COL6A3: variants seen among roughly 807,000 people sequenced by gnomAD.
COL6A3 encodes the protein collagen alpha-3(VI) chain.
COL6A3 carries 137 observed loss-of-function variants against 274.1 expected under a neutral mutation model. The observed-to-expected ratio is 0.50, with a 90% CI of 0.44 to 0.58. COL6A3 has a LOEUF of 0.58. Ranked by LOEUF, COL6A3 falls within the 20% of genes least tolerant of loss-of-function variation. COL6A3 has a pLI of 0.00. For missense variants in COL6A3, 3,950 were observed against 4,124.9 expected (o/e 0.96, Z 1.16); for synonymous variants, 1,650 against 1,650.6 (o/e 1.00, Z 0.01).
rs189411873 is a variant in COL6A3 at position 237,368,553 on chromosome 2, C to T, written c.4900+10G>A. ...TCACACTCTGTAGTCATGGGTCACACGGTGCATACCTGGCCGTGAAGGAGG... is the reference window on the plus strand; with the variant it reads ...TCACACTCTGTAGTCATGGGTCACATGGTGCATACCTGGCCGTGAAGGAGG... On this transcript the variant is annotated intron_variant, in intron 10 of 43. Transcript: ENST00000295550. This position sits in a 1 kb window ranked among gnomAD's most constrained non-coding sequence, Gnocchi z 4.4. 51 of 1,613,806 alleles carry T rather than the reference C, an allele frequency of 3.2e-5. No individual in the cohort carries two copies. In the Middle Eastern group the frequency reaches 8.3e-4, roughly 26 times the overall value.
At position 237,374,251 on chromosome 2, in the gene COL6A3, G is replaced by A. The variant is rs2077770897; in HGVS notation, c.3679+161C>T. On this transcript the variant is annotated intron_variant, in intron 8 of 43. Transcript: ENST00000295550. This position sits in a 1 kb window ranked among gnomAD's most constrained non-coding sequence, Gnocchi z 4.8. ...TGAACCTCTGCCATTTCTGCCCATC[G>A]AGGCCAAAAAGGGCATGTGGGTTCC... Among the ~76,000 whole-genome samples, 1 of 152,068 alleles carries A rather than the reference G, an allele frequency of 6.6e-6. No homozygotes were observed. The highest frequency in any genetic ancestry group is 2.1e-4 in the South Asian group (1 of 4,830).
rs1553559241 is a variant in COL6A3, at chr2:237,371,907, G to A, written c.4110C>T (p.Ala1370=). 6.2e-7 allele frequency: 1 copy of A among 1,613,900 alleles called. No homozygotes were observed. ...CCAGCTCCTCCTGGTCTGCGTTCCTGGCGATCGTGAAAGGGGCCACGCCAA... is the reference window on the plus strand; with the variant it reads ...CCAGCTCCTCCTGGTCTGCGTTCCTAGCGATCGTGAAAGGGGCCACGCCAA... ...KQFGVAPFTI[A]RNADQEELVK... is the part of the protein sequence containing the mutation. The change falls in exon 9 of 44, where the codon GCC becomes GCT. Residue 1370 remains alanine, a synonymous_variant. Transcript: ENST00000295550. The surrounding 1 kb of genome is among the most constrained non-coding windows in gnomAD (Gnocchi z 4.3).
Position 237,374,762 on chromosome 2 carries a change from G to T in COL6A3, c.3329C>A (p.Ala1110Asp). The T allele has an allele frequency of 6.2e-7, 1 of 1,613,888 alleles. No homozygotes were observed. Among genetic ancestry groups the T allele is most frequent in the Non-Finnish European group, 8.5e-7 (1 of 1,179,920 alleles). Residue 1110 changes from alanine to aspartate, a missense_variant, in exon 8 of 44, where the codon GCC (alanine) becomes GAC (aspartate). Ala to Asp is a moderately radical substitution (Grantham distance 126, BLOSUM62 -2). Around this residue, in one of 5 missense-constraint regions of COL6A3, gnomAD observed 1,934 missense variants for 1,984.3 expected, o/e 0.97. Transcript: ENST00000295550. This position sits in a 1 kb window ranked among gnomAD's most constrained non-coding sequence, Gnocchi z 4.8. The stretch of plus-strand genomic sequence containing the variant: ...GTTCCTCAGGACAAACTCCAGGGCG[G>T]CCCCGGTGTTGGGGGTCGGCCCTCC... ...LLGGPTPNTGAALEFVLRNIL... is the reference protein window; with the variant it reads ...LLGGPTPNTGDALEFVLRNIL...
At position 237,387,877 on chromosome 2, in the gene COL6A3, GC is replaced by G. The variant is rs2078188969; in HGVS notation, c.1016del (p.Gly339AlafsTer15). 2 of 1,614,074 alleles carry G rather than the reference GC, an allele frequency of 1.2e-6. No individual in the cohort carries two copies. Among genetic ancestry groups the G allele is most frequent in the East Asian group, 4.5e-5 (2 of 44,870 alleles). On this transcript the variant is annotated frameshift_variant, in exon 4 of 44. Coordinates refer to ENST00000295550, the MANE Select transcript of COL6A3 (RefSeq NM_004369.4). LOFTEE classifies it high-confidence loss of function. Reference protein sequence around the residue: ...VVENHFTRAGGSRVEEGVPQV... With the variant: ...VVENHFTRAGXSRVEEGVPQV... ...GGGGAACCCCTTCCTCCACGCGGCTGCCCCCTGCCCGGGTGAAGTGGTTCTC... is the reference window on the plus strand; with the variant it reads ...GGGGAACCCCTTCCTCCACGCGGCTGCCCCTGCCCGGGTGAAGTGGTTCTC...
At chr2:237,360,200 T>A in intron 16 of COL6A3, 41 bp from the exon 17 acceptor site, 1 of 1,590,416 alleles carries the variant, frequency 6.3e-7, no homozygotes, top group South Asian at 1.1e-5. Flanking sequence ...CTGGAGCCCT[T>A]CATCACCCTT....
intron 36 of COL6A3, 102 bp from the exon 37 acceptor site, chr2:237,342,263 T>A: frequency 1.1e-6 from 1 of 905,054 alleles, no homozygotes; most frequent in South Asian, 1.4e-5. Flanking sequence ...TAAAATAGAT[T>A]AACTTCCCAA....
intron 1 of COL6A3, among the ~76,000 whole-genome samples, chr2:237,399,098 G>A (rs1292775086): frequency 6.6e-6 from 1 of 152,178 alleles, no homozygotes; most frequent in East Asian, 1.9e-4. Flanking sequence ...CTGCCACACT[G>A]AGGGTTCATA....
At chr2:237,338,877 G>T (rs1700681568) in intron 39 of COL6A3, 138 bp downstream of exon 39, 2 of 680,078 alleles carry the variant, frequency 2.9e-6, no homozygotes, top group African/African-American at 1.8e-5. Flanking sequence ...TATTTGAGAA[G>T]CATGACCCAC....
In COL6A3 at chr2:237,336,440, G is replaced by T. The variant is rs765812583; in HGVS notation, c.8660C>A (p.Thr2887Lys). 5.6e-6 allele frequency: 9 copies of T among 1,614,114 alleles called. No individual in the cohort carries two copies. Among genetic ancestry groups the T allele is most frequent in the Non-Finnish European group, 6.8e-6 (8 of 1,180,046 alleles). The change falls in exon 40 of 44, where the codon ACA (threonine) becomes AAA (lysine). Residue 2887 changes from threonine to lysine, a missense_variant. Around this residue, in one of 5 missense-constraint regions of COL6A3, gnomAD observed 1,284 missense variants for 1,349.7 expected, o/e 0.95. Transcript: ENST00000295550. ...VTTTKPVTTT[T>K]KPVTTTTKPV... ...CTTTGTTGTGGTGGTTACAGGCTTT[G>T]TTGTGGTGGTCACCGGCTTCGTCGT...
At position 237,381,341 on chromosome 2, in the gene COL6A3, C is replaced by G. The variant is rs112010940; in HGVS notation, c.1471G>C (p.Asp491His). The change falls in exon 5 of 44, where the codon GAC becomes CAC. Residue 491 changes from aspartate (D) to histidine (H), a missense_variant. Asp to His is a moderately conservative substitution (Grantham distance 81). Coordinates refer to ENST00000295550, the MANE Select transcript of COL6A3 (RefSeq NM_004369.4). ...LIQVAVAQYADTVRPEFYFNT... is the reference protein window; with the variant it reads ...LIQVAVAQYAHTVRPEFYFNT... ...AAATAAAATTCAGGCCTCACAGTGT[C>G]TGCATACTGGGCCACTGCCACCTGG... The G allele has an allele frequency of 5.9e-3, 9,502 of 1,614,220 alleles. 67 individuals carry two copies. Among genetic ancestry groups the G allele is most frequent in the Middle Eastern group, 0.014 (87 of 6,062 alleles).
At chr2:237,333,315 G>A (rs1700360348) in intron 42 of COL6A3, 135 bp downstream of exon 42, 3 of 766,542 alleles carry the variant, frequency 3.9e-6, no homozygotes, top group Non-Finnish European at 6.8e-6. Context: ...ATGTTGGGCT[G>A]CACAGAGCTG....
At chr2:237,369,358 CA>C (rs1464030901) in intron 9 of COL6A3, among the ~76,000 whole-genome samples, 181 bp from the exon 10 acceptor site, 6 of 152,172 alleles carry the variant, frequency 3.9e-5, no homozygotes, top group Non-Finnish European at 8.8e-5. Flanking sequence ...TACACCAAAA[CA>C]ATTTCTGCTC....
chr2:237,339,112 T>G lies in COL6A3; in HGVS notation c.8470A>C (p.Asn2824His). 6.2e-7 allele frequency: 1 copy of G among 1,612,246 alleles called. No homozygotes were observed. Residue 2824 changes from asparagine to histidine, a missense_variant, in exon 39 of 44, where the codon AAT becomes CAT. Physicochemically the swap from Asn to His is moderately conservative, Grantham distance 68 (BLOSUM62 1). Transcript: ENST00000295550. The part of the protein sequence containing the change: ...RLLPSFVSSE[N>H]AFYLSPDIRK... The stretch of plus-strand genomic sequence containing the variant: ...ATATCTGGGGACAAGTAAAAAGCAT[T>G]TTCACCTAAAGAAAAAAAACAAAGA...
At position 237,357,503 on chromosome 2, in the gene COL6A3, C is replaced by T. The variant is rs2645777; in HGVS notation, c.6538-112G>A. On this transcript the variant is annotated intron_variant, in intron 22 of 43. Transcript: ENST00000295550. ...GGGGTCGATTCACAGAGGAAGAGCCCGTCTGCAGGACAGTTGCACACTTTG... is the reference window on the plus strand; with the variant it reads ...GGGGTCGATTCACAGAGGAAGAGCCTGTCTGCAGGACAGTTGCACACTTTG... 0.12 allele frequency: 116,107 copies of T among 1,000,092 alleles called. 7,273 individuals carry two copies. The highest frequency in any genetic ancestry group is 0.18 in the Middle Eastern group (669 of 3,686). The allele number at this position is 1,000,092 out of a possible 1,614,324, so 62.0% of individuals were successfully genotyped here.
At chr2:237,343,791 A>G (rs2077043508) in intron 36 of COL6A3, 1 of 180,756 alleles carries the variant, frequency 5.5e-6, no homozygotes, top group Non-Finnish European at 1.2e-5. Flanking sequence ...GACAGAGTGG[A>G]GACTGGAATG....
At position 237,414,090 on chromosome 2, in the gene COL6A3, C is replaced by T. The variant is rs896643136; in HGVS notation, c.-168G>A. ...CCACCAAAAAAGTGGAGACTCAGAG[C>T]TGCGGAGGAAAACTCTTGCAGTCCT... is the stretch of plus-strand genomic sequence containing the variant. On this transcript the variant is annotated 5_prime_UTR_variant, in exon 1 of 44. Transcript: ENST00000295550. 2 of 152,194 alleles carry T rather than the reference C, an allele frequency of 1.3e-5. No homozygotes were observed. The highest frequency in any genetic ancestry group is 2.9e-5 in the Non-Finnish European group (2 of 68,040). The allele number at this position is 152,194 out of a possible 1,614,324, so 9.4% of individuals were successfully genotyped here. A position where few individuals can be genotyped will look rare whatever the true frequency, so the allele number is the denominator to read the frequency against.
chr2:237,413,085 G>A lies in COL6A3; in HGVS notation c.-31+868C>T, dbSNP rs1274960955. Among the ~76,000 whole-genome samples, 4 of 152,166 alleles carry A rather than the reference G, an allele frequency of 2.6e-5. No individual in the cohort carries two copies. The highest frequency in any genetic ancestry group is 5.9e-5 in the Non-Finnish European group (4 of 68,014). On this transcript the variant is annotated intron_variant, in intron 1 of 43. Coordinates refer to ENST00000295550, the MANE Select transcript of COL6A3 (RefSeq NM_004369.4). This position sits in a 1 kb window ranked among gnomAD's most constrained non-coding sequence, Gnocchi z 4.0. ...TCCCCAAACAGGCTGGCCACTGTCA[G>A]CGAACGTGTCCATCCTCAGCAAGAG...
Position 237,363,242 on chromosome 2 carries a change from A to G in COL6A3, c.6063+11T>C. On this transcript the variant is annotated intron_variant, in intron 14 of 43. Coordinates refer to ENST00000295550, the MANE Select transcript of COL6A3 (RefSeq NM_004369.4). Reference sequence around the variant, plus strand: ...CACTGGTCTGTGTATAAAGACATAAAAAAAACTCACAAGCTGCTCCGCTAG... The same window carrying G: ...CACTGGTCTGTGTATAAAGACATAAGAAAAACTCACAAGCTGCTCCGCTAG... The G allele has an allele frequency of 6.2e-7, 1 of 1,613,956 alleles. No individual in the cohort carries two copies. The highest frequency in any genetic ancestry group is 8.5e-7 in the Non-Finnish European group (1 of 1,179,978).
intron 3 of COL6A3, among the ~76,000 whole-genome samples, chr2:237,391,640 C>G (rs1425987467): frequency 3.9e-5 from 6 of 152,126 alleles, no homozygotes; most frequent in Middle Eastern, 3.2e-3. Context: ...TCAAGCGATT[C>G]TCCTGCCTCA....
Sources: gnomAD v4.1 joint callset for allele counts (sites outside exome capture counted in the v4.1 genomes callset) on GRCh38, gnomAD v4.1.1 for gene constraint, gnomAD v4.1.1 regional missense constraint, Gnocchi (gnomAD v3.1) non-coding constraint, MANE v1.5 for transcripts, NCBI Gene and HGNC (gene_info 2026-07-23, HGNC 2026-07-21) for gene names.